The following KCND2 variants were observed in gnomAD, a reference collection of about 807,000 sequenced individuals.
KCND2 encodes the protein potassium voltage-gated channel subfamily D member 2.
In KCND2, 16 loss-of-function variants were observed where a neutral mutation model predicts 54.4. The observed-to-expected ratio is 0.29, with a 90% confidence interval of 0.20 to 0.45. The LOEUF (loss-of-function observed/expected upper bound fraction) is 0.45, where lower values mean the gene tolerates loss of function less well. Among genes scored for constraint, KCND2 ranks in the 20% least tolerant of loss-of-function variants. KCND2 has a pLI of 1.00. For synonymous variants in KCND2, 317 were observed against 310.7 expected, an observed-to-expected ratio of 1.02 and a Z score of -0.21; for missense variants, 486 against 824.2, an observed-to-expected ratio of 0.59 and a Z score of 5.02.
intron 1 of KCND2, among the ~76,000 whole-genome samples, chr7:120,574,906 C>T (rs1392445843): frequency 1.3e-5 from 2 of 151,854 alleles, no homozygotes; most frequent in African/African-American, 4.8e-5. Context: ...GTAAAAAATA[C>T]AGCTTTTTTG....
intron 1 of KCND2, among the ~76,000 whole-genome samples, chr7:120,572,622 A>G (rs1584833719): frequency 6.6e-6 from 1 of 152,068 alleles, no homozygotes; most frequent in East Asian, 1.9e-4. Flanking sequence ...AGTTCAAGTG[A>G]TTCTCCCACC....
intron 1 of KCND2, among the ~76,000 whole-genome samples, chr7:120,728,042 G>A (rs1792756673): frequency 6.7e-6 from 1 of 149,800 alleles, no homozygotes; most frequent in South Asian, 2.1e-4. Context: ...GCTGAGGCAC[G>A]AGAATCGCTT....
At chr7:120,397,326 T>C (rs1462072567) in intron 1 of KCND2, among the ~76,000 whole-genome samples, 1 of 152,038 alleles carries the variant, frequency 6.6e-6, no homozygotes, top group East Asian at 1.9e-4. Context: ...ATTACAAATA[T>C]CAACAAATTC....
At chr7:120,674,971 TA>T (rs1176146972) in intron 1 of KCND2, among the ~76,000 whole-genome samples, 16 of 152,154 alleles carry the variant, frequency 1.1e-4, no homozygotes, top group Non-Finnish European at 2.9e-5. Flanking sequence ...GTTTTATAAT[TA>T]CTATTCACTA....
chr7:120,326,044 T>C (rs767608712), intron 1 of KCND2, among the ~76,000 whole-genome samples: 2 of 152,128 alleles, frequency 1.3e-5, no homozygotes, highest in Non-Finnish European at 2.9e-5. Flanking sequence ...CACATAAACA[T>C]TTATAAATGA....
At chr7:120,736,888 T>A (rs1010772993) in intron 2 of KCND2, among the ~76,000 whole-genome samples, 5 of 151,534 alleles carry the variant, frequency 3.3e-5, no homozygotes, top group African/African-American at 1.2e-4. Flanking sequence ...CAGTGAGAAG[T>A]TTAGAATCAA....
intron 1 of KCND2, among the ~76,000 whole-genome samples, chr7:120,541,789 A>G (rs1008093082): frequency 2.0e-5 from 3 of 152,160 alleles, no homozygotes; most frequent in African/African-American, 7.2e-5. Flanking sequence ...GGGCCATATT[A>G]TGTCACTAAT....
At chr7:120,419,307 GC>G (rs1385505074) in intron 1 of KCND2, among the ~76,000 whole-genome samples, 1 of 151,974 alleles carries the variant, frequency 6.6e-6, no homozygotes, top group African/African-American at 2.4e-5. Flanking sequence ...TTGCTAAAGG[GC>G]CTGGTGATGA....
chr7:120,387,547 T>C (rs2116043161), intron 1 of KCND2, among the ~76,000 whole-genome samples: 1 of 152,204 alleles, frequency 6.6e-6, no homozygotes, highest in African/African-American at 2.4e-5. Flanking sequence ...TCTACCCCTG[T>C]GTCTTCTCAT....
rs139820570 is a variant in KCND2 at position 120,641,325 on chromosome 7, A to G, written c.1116-91578A>G. ...AATGCAAAGAGATGATCTTTCTGGA[A>G]TGGCTATTTTAAAAGGCCCTGTACC... is the stretch of plus-strand genomic sequence containing the variant. On this transcript the variant is annotated intron_variant, in intron 1 of 5. Transcript: ENST00000331113. Among the ~76,000 whole-genome samples, 1,476 of 152,146 alleles carry G rather than the reference A, an allele frequency of 9.7e-3. 72 individuals carry two copies. Among genetic ancestry groups the G allele is most frequent in the Admixed American group, 0.085 (1,298 of 15,278 alleles).
rs1411626262 is a variant in KCND2 at position 120,273,432 on chromosome 7, C to G, written c.-1201C>G. On this transcript the variant is annotated 5_prime_UTR_variant, in exon 1 of 6. Coordinates refer to ENST00000331113, the MANE Select transcript of KCND2 (RefSeq NM_012281.3). ...CCGGCCGCCCCGCAGCCCCGCCGCC[C>G]CGCAGCCCCGCACCGCGCTGGCCAG... Among the ~76,000 whole-genome samples the G allele has an allele frequency of 6.7e-6, 1 of 148,438 alleles. No homozygotes were observed. The highest frequency in any genetic ancestry group is 6.7e-5 in the Admixed American group (1 of 14,912).
chr7:120,307,277 T>A (rs1369128891), intron 1 of KCND2, among the ~76,000 whole-genome samples: 4 of 152,062 alleles, frequency 2.6e-5, no homozygotes, highest in African/African-American at 4.8e-5. Context: ...AGTATTTATT[T>A]ATTTTTTCAG....
intron 1 of KCND2, among the ~76,000 whole-genome samples, chr7:120,596,796 A>C (rs1188900394): frequency 6.6e-6 from 1 of 152,330 alleles, no homozygotes; most frequent in East Asian, 1.9e-4. Context: ...ACCCCAATGA[A>C]GTTCATGGTC....
At chr7:120,645,152 T>C (rs980847682) in intron 1 of KCND2, among the ~76,000 whole-genome samples, 5 of 152,216 alleles carry the variant, frequency 3.3e-5, no homozygotes, top group African/African-American at 1.2e-4. Flanking sequence ...CTAAATAAAG[T>C]GATGGAATCA....
At chr7:120,729,958 G>A (rs1048642057) in intron 1 of KCND2, among the ~76,000 whole-genome samples, 5 of 151,948 alleles carry the variant, frequency 3.3e-5, no homozygotes, top group Admixed American at 6.6e-5. Flanking sequence ...CTTACTTTTC[G>A]TAATTTTCTC....
chr7:120,650,486 C>G (rs1176120026), intron 1 of KCND2, among the ~76,000 whole-genome samples: 1 of 143,020 alleles, frequency 7.0e-6, no homozygotes, highest in Admixed American at 6.8e-5. Context: ...AAGGACTTCT[C>G]TACACTGATT....
At chr7:120,335,286 C>T (rs1352480131) in intron 1 of KCND2, among the ~76,000 whole-genome samples, 1 of 148,148 alleles carries the variant, frequency 6.8e-6, no homozygotes, top group East Asian at 2.0e-4. Context: ...TCACTTGAAC[C>T]CAGGAGGCAG....
At chr7:120,742,265 TG>T (rs1792951063) in intron 3 of KCND2, 1 of 466,098 alleles carries the variant, frequency 2.1e-6, no homozygotes, top group African/African-American at 2.0e-5. Context: ...GCTAGTTGAA[TG>T]AGTAAAAGAG....
At chr7:120,462,541 T>C (rs1456977236) in intron 1 of KCND2, among the ~76,000 whole-genome samples, 1 of 151,966 alleles carries the variant, frequency 6.6e-6, no homozygotes, top group Non-Finnish European at 1.5e-5. Flanking sequence ...TTCTGATAAT[T>C]CTCTTTTAAC....
Sources: allele counts gnomAD v4.1 joint callset (sites outside exome capture counted in the v4.1 genomes callset), GRCh38; gene constraint gnomAD v4.1.1; transcripts MANE v1.5; gene names NCBI Gene and HGNC (gene_info 2026-07-23, HGNC 2026-07-21).